Variants in PRKCH observed in about 807,000 individuals in gnomAD.
The protein encoded by PRKCH is protein kinase C eta type.
PRKCH carries 28 observed loss-of-function variants against 82.5 expected under a neutral mutation model. The ratio of observed to expected loss-of-function variants is 0.34; its 90% CI spans 0.25 to 0.47. The LOEUF is 0.47. Among genes scored for constraint, PRKCH ranks in the 20% least tolerant of loss-of-function variants. The pLI is 1.00. For synonymous variants in PRKCH, 322 were observed against 327.4 expected (o/e 0.98, Z 0.18); for missense variants, 705 against 881.8 (o/e 0.80, Z 2.54).
intron 10 of PRKCH, among the ~76,000 whole-genome samples, chr14:61,487,527 A>G (rs561645765): frequency 4.3e-4 from 65 of 152,318 alleles, no homozygotes; most frequent in African/African-American, 1.5e-3. Flanking sequence ...GACTCCAGGC[A>G]GTAAATTCCA....
chr14:61,310,431 G>A (rs959923261), intron 1 of PRKCH, among the ~76,000 whole-genome samples: 6 of 152,140 alleles, frequency 3.9e-5, no homozygotes, highest in Admixed American at 6.6e-5. Context: ...AAAATCCCGC[G>A]GGGCAGTCAT....
At chr14:61,217,115 C>T (rs538137539) in intron 1 of PRKCH, among the ~76,000 whole-genome samples, 8 of 152,148 alleles carry the variant, frequency 5.3e-5, no homozygotes, top group Non-Finnish European at 1.0e-4. Context: ...ACAGACTGGG[C>T]GTGGTGGCTC....
chr14:61,226,869 T>C (rs1450215269), intron 1 of PRKCH, among the ~76,000 whole-genome samples: 1 of 151,654 alleles, frequency 6.6e-6, no homozygotes, highest in Non-Finnish European at 1.5e-5. Context: ...CCCCTTCCAC[T>C]TCCCATTACC....
intron 12 of PRKCH, among the ~76,000 whole-genome samples, chr14:61,535,112 T>C (rs1316346747): frequency 6.6e-6 from 1 of 152,176 alleles, no homozygotes; most frequent in African/African-American, 2.4e-5. Flanking sequence ...ATAGGTGGGG[T>C]GTAAATAGCC....
intron 2 of PRKCH, among the ~76,000 whole-genome samples, chr14:61,436,775 G>A (rs1883700011): frequency 6.6e-6 from 1 of 152,180 alleles, no homozygotes; most frequent in Non-Finnish European, 1.5e-5. Context: ...CAGGTCATCT[G>A]CCCGCCTCAG....
chr14:61,502,153 C>T (rs1886947361), intron 10 of PRKCH, among the ~76,000 whole-genome samples: 1 of 151,206 alleles, frequency 6.6e-6, no homozygotes, highest in South Asian at 2.1e-4. Context: ...CAACCTCCAC[C>T]TCCCAGGTTC....
At chr14:61,346,127 G>A (rs578240735) in intron 1 of PRKCH, among the ~76,000 whole-genome samples, 1 of 152,186 alleles carries the variant, frequency 6.6e-6, no homozygotes, top group Non-Finnish European at 1.5e-5. Flanking sequence ...TGCATCTGCA[G>A]CAGATGACAG....
chr14:61,490,401 G>A (rs898487542), intron 10 of PRKCH, among the ~76,000 whole-genome samples: 1 of 152,222 alleles, frequency 6.6e-6, no homozygotes, highest in African/African-American at 2.4e-5. Context: ...GCAAGATTAA[G>A]CCCTGTTAAG....
chr14:61,402,869 AT>A (rs111425126), intron 2 of PRKCH, among the ~76,000 whole-genome samples: 2,533 of 151,320 alleles, frequency 0.017, 78 homozygotes, highest in African/African-American at 0.058. Context: ...TAATTTATTT[AT>A]TTTATTTTTA....
intron 10 of PRKCH, among the ~76,000 whole-genome samples, chr14:61,511,861 C>T (rs954006791): frequency 2.6e-5 from 4 of 152,118 alleles, no homozygotes; most frequent in Admixed American, 6.5e-5. Flanking sequence ...AACGGGATCC[C>T]GACTCTGTGG....
chr14:61,320,598 TCAAAAACAA>T (rs987615370), upstream of PRKCH, among the ~76,000 whole-genome samples: 8 of 44,098 alleles, frequency 1.8e-4, no homozygotes, highest in Non-Finnish European at 9.6e-4. Flanking sequence ...AAACTCCGTC[TCAAAAACAA>T]CAACAACAAC....
chr14:61,450,795 A>T, intron 5 of PRKCH, 47 bp from the exon 6 acceptor site: 1 of 1,596,884 alleles, frequency 6.3e-7, no homozygotes, highest in South Asian at 1.1e-5. Context: ...TACAAAGGAC[A>T]TTGGTATGAC....
At position 61,443,229 on chromosome 14, in the gene PRKCH, C is replaced by T; in HGVS notation, c.546C>T (p.Pro182=). 6.2e-7 allele frequency: 1 copy of T among 1,614,078 alleles called. No homozygotes were observed. Among genetic ancestry groups the T allele is most frequent in the Non-Finnish European group, 8.5e-7 (1 of 1,179,974 alleles). Residue 182 remains proline (P), a synonymous_variant, in exon 3 of 14, where the codon CCC becomes CCT. Transcript: ENST00000332981. ...HKFMATYLRQ[P]TYCSHCREFI... is the part of the protein sequence containing the mutation. ...TCATGGCCACGTATCTGAGGCAGCC[C>T]ACCTACTGCTCTCACTGCAGGGAGT...
intron 1 of PRKCH, among the ~76,000 whole-genome samples, chr14:61,257,616 C>CAG (rs2045009301): frequency 4.0e-5 from 2 of 50,544 alleles, no homozygotes; most frequent in African/African-American, 1.2e-4. Flanking sequence ...CACACACACA[C>CAG]ACACACACAC....
intron 3 of PRKCH, 49 bp downstream of exon 3, chr14:61,443,310 G>T: frequency 1.3e-6 from 2 of 1,556,894 alleles, no homozygotes; most frequent in Admixed American, 1.9e-5. Flanking sequence ...CATCTAATAG[G>T]CTTCCTCTGG....
chr14:61,250,669 A>C (rs576971245), intron 1 of PRKCH, among the ~76,000 whole-genome samples: 35 of 152,316 alleles, frequency 2.3e-4, no homozygotes, highest in African/African-American at 8.2e-4. Context: ...TGGTAGATAC[A>C]TGTCATTATA....
chr14:61,424,786 C>G lies in PRKCH; in HGVS notation c.428-18325C>G, dbSNP rs752299572. On this transcript the variant is annotated intron_variant, in intron 2 of 13. Coordinates refer to ENST00000332981, the MANE Select transcript of PRKCH (RefSeq NM_006255.5). ...TGAAGGACTTTTGCAGCAGCCCCTCCCATTACAGGCCCCGAGGCCTAGAAG... is the reference window on the plus strand; with the variant it reads ...TGAAGGACTTTTGCAGCAGCCCCTCGCATTACAGGCCCCGAGGCCTAGAAG... 4.5e-4 allele frequency among the ~76,000 whole-genome samples: 68 copies of G among 152,356 alleles called. 1 individual carries two copies. The highest frequency in any genetic ancestry group is 1.2e-3 in the Admixed American group (19 of 15,310).
At chr14:61,392,507 T>G (rs2046699615) in intron 2 of PRKCH, among the ~76,000 whole-genome samples, 1 of 152,232 alleles carries the variant, frequency 6.6e-6, no homozygotes, top group Non-Finnish European at 1.5e-5. Context: ...TGGTGAGTAC[T>G]TTCTCACATG....
chr14:61,415,557 A>T (rs1566869194), intron 2 of PRKCH, among the ~76,000 whole-genome samples: 1 of 152,132 alleles, frequency 6.6e-6, no homozygotes, highest in Non-Finnish European at 1.5e-5. Flanking sequence ...TTTTGACAGC[A>T]TTTACTTTAG....
Sources: gnomAD v4.1 joint callset for allele counts (sites outside exome capture counted in the v4.1 genomes callset) on GRCh38, gnomAD v4.1.1 for gene constraint, MANE v1.5 for transcripts, NCBI Gene and HGNC (gene_info 2026-07-23, HGNC 2026-07-21) for gene names.